Variants in ARHGAP15 observed in about 807,000 individuals in gnomAD.
ARHGAP15 encodes rho GTPase-activating protein 15.
Under a neutral mutation model 63.7 loss-of-function variants are expected in ARHGAP15, and 51 were observed. The ratio of observed to expected loss-of-function variants is 0.80; its 90% confidence interval spans 0.64 to 1.01. The LOEUF (loss-of-function observed/expected upper bound fraction) is 1.01, where lower values mean the gene tolerates loss of function less well. Among genes scored for constraint, ARHGAP15 ranks in the 50% least tolerant of loss-of-function variants. The pLI, the probability that ARHGAP15 is intolerant of heterozygous loss-of-function variation, is 0.00. For synonymous variants in ARHGAP15, 191 were observed against 193.8 expected, an observed-to-expected ratio of 0.99 and a Z score of 0.12; for missense variants, 560 against 564.6, an observed-to-expected ratio of 0.99 and a Z score of 0.08.
At position 143,691,315 on chromosome 2, in the gene ARHGAP15, T is replaced by C. The variant is rs116301376; in HGVS notation, c.1139-12104T>C. Among the ~76,000 whole-genome samples the C allele has an allele frequency of 3.6e-3, 549 of 152,238 alleles. 2 individuals are homozygous for C. The highest frequency in any genetic ancestry group is 0.013 in the African/African-American group (527 of 41,546). On this transcript the variant is annotated intron_variant, in intron 12 of 13. Transcript: ENST00000295095. The stretch of plus-strand genomic sequence containing the variant: ...AATGGGGTGTCACTCTGAGTGGTAG[T>C]TTACCATTATCCTGGCATCCTAATG...
intron 3 of ARHGAP15, among the ~76,000 whole-genome samples, chr2:143,211,826 G>A (rs896083144): frequency 6.6e-6 from 1 of 152,070 alleles, no homozygotes; most frequent in African/African-American, 2.4e-5. Context: ...TAAGTCACCC[G>A]CTTTCTACAT....
intron 11 of ARHGAP15, among the ~76,000 whole-genome samples, chr2:143,570,687 G>A (rs563131265): frequency 3.9e-5 from 6 of 152,310 alleles, no homozygotes; most frequent in Middle Eastern, 3.4e-3. Context: ...TAAAATGTTA[G>A]CATTAGGTAT....
chr2:143,212,535 T>C (rs962729824), intron 3 of ARHGAP15, among the ~76,000 whole-genome samples: 10 of 152,184 alleles, frequency 6.6e-5, no homozygotes, highest in Admixed American at 3.9e-4. Flanking sequence ...AGAACTTCAA[T>C]TTGGCCTAGA....
chr2:143,470,526 TTA>T (rs57336698), intron 8 of ARHGAP15, among the ~76,000 whole-genome samples: 148 of 148,220 alleles, frequency 1.0e-3, no homozygotes, highest in African/African-American at 1.8e-3. Context: ...TTCTTTTGTT[TTA>T]TATATATATA....
rs145699375 is a variant in ARHGAP15, at chr2:143,421,878, A to T, written c.475-13723A>T. On this transcript the variant is annotated intron_variant, in intron 6 of 13. Transcript: ENST00000295095. ...AGATACCTAGATGACAGAAAGAGAG[A>T]GAGTGTGAGAGAAAGAGAAAGGGGG... Among the ~76,000 whole-genome samples, 1,254 of 151,682 alleles carry T rather than the reference A, an allele frequency of 8.3e-3. 15 individuals carry two copies. Among genetic ancestry groups the T allele is most frequent in the African/African-American group, 0.029 (1,201 of 41,296 alleles).
chr2:143,443,677 C>G (rs750111451), intron 8 of ARHGAP15, among the ~76,000 whole-genome samples: 4 of 152,010 alleles, frequency 2.6e-5, no homozygotes, highest in African/African-American at 4.8e-5. Context: ...TTATAAATGA[C>G]ATTTATGTTG....
intron 13 of ARHGAP15, among the ~76,000 whole-genome samples, chr2:143,757,338 C>T (rs910803864): frequency 1.3e-5 from 2 of 151,982 alleles, no homozygotes; most frequent in South Asian, 4.2e-4. Context: ...AGGGAAACCC[C>T]GTCTCTACTA....
intron 6 of ARHGAP15, among the ~76,000 whole-genome samples, chr2:143,389,010 A>G (rs1687422961): frequency 6.6e-6 from 1 of 151,788 alleles, no homozygotes; most frequent in South Asian, 2.1e-4. Context: ...CCCTAAAAAT[A>G]TCTGGGTAGA....
intron 13 of ARHGAP15, among the ~76,000 whole-genome samples, chr2:143,758,310 T>A (rs1227036951): frequency 2.7e-4 from 41 of 151,480 alleles, no homozygotes; most frequent in Admixed American, 2.7e-3. Context: ...ATAAAATAGG[T>A]AGATGGATAG....
chr2:143,148,841 G>A (rs1401223579), intron 1 of ARHGAP15, among the ~76,000 whole-genome samples: 2 of 152,018 alleles, frequency 1.3e-5, no homozygotes, highest in Non-Finnish European at 2.9e-5. Flanking sequence ...TAATAGAGAT[G>A]TAAAAGCCAC....
At chr2:143,737,747 T>C (rs551930022) in intron 13 of ARHGAP15, among the ~76,000 whole-genome samples, 154 of 151,266 alleles carry the variant, frequency 1.0e-3, no homozygotes, top group African/African-American at 3.4e-3. Flanking sequence ...TATTTATTTA[T>C]TTATTTATTT....
intron 10 of ARHGAP15, 131 bp from the exon 11 acceptor site, chr2:143,556,277 A>C (rs1454692057): frequency 3.2e-6 from 2 of 617,422 alleles, no homozygotes; most frequent in Non-Finnish European, 5.5e-6. Flanking sequence ...AAGATTGCAT[A>C]ATTTAGAACA....
chr2:143,577,235 C>T (rs1032244901), intron 11 of ARHGAP15, among the ~76,000 whole-genome samples: 2 of 152,100 alleles, frequency 1.3e-5, no homozygotes, highest in African/African-American at 4.8e-5. Context: ...ACTCGTGTAC[C>T]ATTCCTCATA....
chr2:143,612,462 ATCCT>A (rs1698293771), intron 11 of ARHGAP15, among the ~76,000 whole-genome samples: 1 of 152,206 alleles, frequency 6.6e-6, no homozygotes, highest in African/African-American at 2.4e-5. Context: ...GTTCTGGGAC[ATCCT>A]TCCTCACCCA....
At chr2:143,602,563 T>G (rs1262073711) in intron 11 of ARHGAP15, among the ~76,000 whole-genome samples, 1 of 151,950 alleles carries the variant, frequency 6.6e-6, no homozygotes, top group African/African-American at 2.4e-5. Context: ...CCTGGTGAAC[T>G]GGGAAGAGTA....
intron 13 of ARHGAP15, among the ~76,000 whole-genome samples, chr2:143,727,807 C>A (rs1275070070): frequency 6.6e-6 from 1 of 152,140 alleles, no homozygotes; most frequent in African/African-American, 2.4e-5. Context: ...ATTTTTTTTA[C>A]TCTACCTTCA....
chr2:143,214,041 T>A (rs1424373912), intron 3 of ARHGAP15, among the ~76,000 whole-genome samples: 2 of 152,222 alleles, frequency 1.3e-5, no homozygotes, highest in African/African-American at 4.8e-5. Flanking sequence ...ATAAGAGTAT[T>A]AGCTTTTTCC....
At chr2:143,637,746 A>AC (rs35132842) in intron 12 of ARHGAP15, among the ~76,000 whole-genome samples, 5 of 151,936 alleles carry the variant, frequency 3.3e-5, no homozygotes, top group African/African-American at 1.2e-4. Context: ...AAAAAAAAAA[A>AC]CTCATCCGAC....
intron 6 of ARHGAP15, among the ~76,000 whole-genome samples, chr2:143,396,737 A>G (rs1190187450): frequency 1.3e-5 from 2 of 151,830 alleles, no homozygotes; most frequent in African/African-American, 4.8e-5. Context: ...GCTCATCTAG[A>G]TGCACATTGA....
Sources: allele counts gnomAD v4.1 joint callset (sites outside exome capture counted in the v4.1 genomes callset), GRCh38; gene constraint gnomAD v4.1.1; transcripts MANE v1.5; gene names NCBI Gene and HGNC (gene_info 2026-07-23, HGNC 2026-07-21).